Variants in NDUFV2 observed in about 807,000 individuals in gnomAD.
The protein encoded by NDUFV2 is NADH dehydrogenase [ubiquinone] flavoprotein 2, mitochondrial.
Under a neutral mutation model 31.6 loss-of-function variants are expected in NDUFV2, and 18 were observed. The ratio of observed to expected loss-of-function variants is 0.57; its 90% CI spans 0.39 to 0.84. The LOEUF (loss-of-function observed/expected upper bound fraction) is 0.84, where lower values mean the gene tolerates loss of function less well. Ranked by LOEUF, NDUFV2 falls within the 40% of genes least tolerant of loss-of-function variation. NDUFV2 has a pLI of 0.00. For missense variants in NDUFV2, 314 were observed against 303.6 expected (o/e 1.03, Z -0.26); for synonymous variants, 83 against 99.8 (o/e 0.83, Z 1.01).
intron 1 of NDUFV2, among the ~76,000 whole-genome samples, chr18:9,104,649 A>G (rs2077832174): frequency 6.6e-6 from 1 of 151,638 alleles, no homozygotes; most frequent in African/African-American, 2.4e-5. Context: ...TGTTTCTGGA[A>G]CTCTCTTTCT....
intron 1 of NDUFV2, among the ~76,000 whole-genome samples, chr18:9,107,003 C>T (rs2077845177): frequency 6.6e-6 from 1 of 151,870 alleles, no homozygotes; most frequent in African/African-American, 2.4e-5. Context: ...AGGATAATCT[C>T]CCTATTTTAA....
intron 4 of NDUFV2, among the ~76,000 whole-genome samples, chr18:9,122,115 T>G (rs183761191): frequency 6.2e-4 from 93 of 149,964 alleles, no homozygotes; most frequent in African/African-American, 1.7e-3. Context: ...TCTAATTGCT[T>G]CTTTTATTGG....
At position 9,110,094 on chromosome 18, in the gene NDUFV2, T is replaced by G. The variant is rs114068035; in HGVS notation, c.54+7297T>G. Among the ~76,000 whole-genome samples, 1,309 of 152,290 alleles carry G rather than the reference T, an allele frequency of 8.6e-3. 22 individuals carry two copies. The highest frequency in any genetic ancestry group is 0.03 in the African/African-American group (1,250 of 41,564). ...TTTCAGAGTCTAATGAGAAGCTAGATTCTAGAGAAAAGACTAGACTGTACT... is the reference window on the plus strand; with the variant it reads ...TTTCAGAGTCTAATGAGAAGCTAGAGTCTAGAGAAAAGACTAGACTGTACT... On this transcript the variant is annotated intron_variant, in intron 1 of 7. Transcript: ENST00000318388.
At chr18:9,125,478 CTAAG>C (rs1203799679) in intron 6 of NDUFV2, among the ~76,000 whole-genome samples, 1 of 151,414 alleles carries the variant, frequency 6.6e-6, no homozygotes. Context: ...TATCATACCT[CTAAG>C]TACTGCAGCT....
intron 6 of NDUFV2, among the ~76,000 whole-genome samples, chr18:9,125,825 T>C (rs1158257339): frequency 6.6e-6 from 1 of 152,166 alleles, no homozygotes; most frequent in Non-Finnish European, 1.5e-5. Flanking sequence ...AAAGCCCCTC[T>C]CCTTATACCC....
chr18:9,119,463 CT>C lies in NDUFV2; in HGVS notation c.184-7del. On this transcript the variant is annotated splice_polypyrimidine_tract_variant and intron_variant, in intron 3 of 7. Coordinates refer to ENST00000318388, the MANE Select transcript of NDUFV2 (RefSeq NM_021074.5). Reference sequence around the variant, plus strand: ...CTAGATGTATAAAATGATGTTCTTTCTTTTATACAGAGGATAGAGGCAATTG... The same window carrying C: ...CTAGATGTATAAAATGATGTTCTTTCTTTATACAGAGGATAGAGGCAATTG... The C allele has an allele frequency of 6.2e-7, 1 of 1,609,870 alleles. No homozygotes were observed. The highest frequency in any genetic ancestry group is 1.3e-5 in the African/African-American group (1 of 74,930).
chr18:9,111,239 A>C (rs2144732547), intron 1 of NDUFV2, among the ~76,000 whole-genome samples: 1 of 152,318 alleles, frequency 6.6e-6, no homozygotes, highest in Non-Finnish European at 1.5e-5. Flanking sequence ...AACCTTGAGA[A>C]GTTTTCATAA....
chr18:9,132,892 T>C (rs908307308), intron 7 of NDUFV2, among the ~76,000 whole-genome samples: 3 of 152,040 alleles, frequency 2.0e-5, no homozygotes, highest in South Asian at 2.1e-4. Flanking sequence ...ATAAATAAAT[T>C]TAAAAATTGC....
intron 5 of NDUFV2, 148 bp from the exon 6 acceptor site, chr18:9,124,726 G>A: frequency 1.5e-6 from 1 of 679,546 alleles, no homozygotes; most frequent in Non-Finnish European, 2.4e-6. Context: ...GGGATTACAG[G>A]CGTGAGCCAC....
chr18:9,103,058 T>A, intron 1 of NDUFV2: 1 of 437,242 alleles, frequency 2.3e-6, no homozygotes, highest in Non-Finnish European at 4.0e-6. Flanking sequence ...GATATATATA[T>A]ATATGTTTGT....
chr18:9,120,415 T>G (rs1598346530), intron 4 of NDUFV2, among the ~76,000 whole-genome samples: 1 of 152,334 alleles, frequency 6.6e-6, no homozygotes, highest in Non-Finnish European at 1.5e-5. Context: ...TAAGTTATGA[T>G]TTCTGAGCGG....
At chr18:9,120,060 C>G (rs989585670) in intron 4 of NDUFV2, among the ~76,000 whole-genome samples, 3 of 152,108 alleles carry the variant, frequency 2.0e-5, no homozygotes, top group Non-Finnish European at 4.4e-5. Flanking sequence ...ACTTTGGAAT[C>G]AACGACCTAT....
intron 4 of NDUFV2, among the ~76,000 whole-genome samples, chr18:9,121,033 C>A (rs1379448058): frequency 6.6e-6 from 1 of 152,040 alleles, no homozygotes; most frequent in Non-Finnish European, 1.5e-5. Flanking sequence ...GGGAGGATTG[C>A]TTGAGCTTAA....
intron 7 of NDUFV2, among the ~76,000 whole-genome samples, chr18:9,128,851 C>T (rs1412901321): frequency 6.6e-6 from 1 of 152,160 alleles, no homozygotes; most frequent in African/African-American, 2.4e-5. Context: ...CTTGTGAAAT[C>T]CACTTGGGTT....
chr18:9,111,531 C>T (rs190386447), intron 1 of NDUFV2, among the ~76,000 whole-genome samples: 9 of 151,774 alleles, frequency 5.9e-5, no homozygotes, highest in Admixed American at 1.3e-4. Context: ...TGAGTTCAAG[C>T]GATTCTCCTG....
chr18:9,114,817 CAT>C lies in NDUFV2; in HGVS notation c.55-3020_55-3019del, dbSNP rs2077889964. On this transcript the variant is annotated intron_variant, in intron 1 of 7. Transcript: ENST00000318388. ...ACTTTTAGAAATATGTCTGTGAACTCATGTGCGTATCCAGAGCTTTACAAGTC... is the reference window on the plus strand; with the variant it reads ...ACTTTTAGAAATATGTCTGTGAACTCGTGCGTATCCAGAGCTTTACAAGTC... Among the ~76,000 whole-genome samples, 5 of 152,328 alleles carry C rather than the reference CAT, an allele frequency of 3.3e-5. No homozygotes were observed. The South Asian group carries it at 1.0e-3, about 32-fold the overall frequency.
At position 9,127,694 on chromosome 18, in the gene NDUFV2, G is replaced by A. The variant is rs145975286; in HGVS notation, c.656+787G>A. Among the ~76,000 whole-genome samples, 1,008 of 152,128 alleles carry A rather than the reference G, an allele frequency of 6.6e-3. 10 individuals are homozygous for A. Among genetic ancestry groups the A allele is most frequent in the African/African-American group, 0.022 (930 of 41,500 alleles). On this transcript the variant is annotated intron_variant, in intron 7 of 7. Transcript: ENST00000318388. ...CACTGTATTAGCCAGGATGGTCTCC[G>A]ATCTCCTGACCTCGTGATCTGCCCG... is the stretch of plus-strand genomic sequence containing the variant.
At chr18:9,125,541 GTTTT>G (rs200335248) in intron 6 of NDUFV2, among the ~76,000 whole-genome samples, 37 of 115,884 alleles carry the variant, frequency 3.2e-4, no homozygotes, top group African/African-American at 1.2e-3. Context: ...GAGCGTTTCT[GTTTT>G]TTTTTTGTTT....
In NDUFV2 at chr18:9,134,212, C is replaced by T. The variant is rs1015092375; in HGVS notation, c.683C>T (p.Ala228Val). 3 of 1,613,476 alleles carry T rather than the reference C, an allele frequency of 1.9e-6. No homozygotes were observed. The South Asian group carries it at 3.3e-5, about 18-fold the overall frequency. ...PRSGRFSCEP[A>V]GGLTSLTEPP... ...AGTGGACGCTTCTCTTGTGAGCCAG[C>T]TGGAGGTCTTACCTCTTTGACTGAA... is the stretch of plus-strand genomic sequence containing the variant. Residue 228 changes from alanine to valine, a missense_variant, in exon 8 of 8, where the codon GCT (alanine) becomes GTT (valine). Transcript: ENST00000318388.
Sources: allele counts gnomAD v4.1 joint callset (sites outside exome capture counted in the v4.1 genomes callset), GRCh38; gene constraint gnomAD v4.1.1; transcripts MANE v1.5; gene names NCBI Gene and HGNC (gene_info 2026-07-23, HGNC 2026-07-21).